SYT6: variants seen among roughly 807,000 people sequenced by gnomAD.
SYT6 encodes the protein synaptotagmin 6, also known as synaptotagmin-6.
Under a neutral mutation model 38.4 loss-of-function variants are expected in SYT6, and 24 were observed. The ratio of observed to expected loss-of-function variants is 0.62; its 90% CI spans 0.45 to 0.88. The LOEUF (loss-of-function observed/expected upper bound fraction) is 0.88. Among genes scored for constraint, SYT6 ranks in the 40% least tolerant of loss-of-function variants. SYT6 has a pLI of 0.00. For synonymous variants in SYT6, 265 were observed against 241.9 expected, an observed-to-expected ratio of 1.10 and a Z score of -0.89; for missense variants, 611 against 621.0, an observed-to-expected ratio of 0.98 and a Z score of 0.17.
At chr1:114,096,025 C>T (rs1490500663) in intron 6 of SYT6, among the ~76,000 whole-genome samples, 4 of 152,122 alleles carry the variant, frequency 2.6e-5, no homozygotes, top group Non-Finnish European at 4.4e-5. Context: ...CCATGCCCTC[C>T]CCCTAAGCCA....
At chr1:114,138,295 A>C (rs1678632090) in intron 2 of SYT6, among the ~76,000 whole-genome samples, 1 of 152,130 alleles carries the variant, frequency 6.6e-6, no homozygotes, top group Admixed American at 6.5e-5. Context: ...AAGCTCAATA[A>C]ACTTTAGCCA....
At chr1:114,111,812 T>TC (rs1676700328) in intron 3 of SYT6, among the ~76,000 whole-genome samples, 1 of 90,742 alleles carries the variant, frequency 1.1e-5, no homozygotes, top group Non-Finnish European at 2.6e-5. Context: ...CGCCCCACGT[T>TC]CCCACAGCTG....
At chr1:114,115,715 C>G (rs1287277174) in intron 3 of SYT6, among the ~76,000 whole-genome samples, 2 of 152,092 alleles carry the variant, frequency 1.3e-5, no homozygotes, top group African/African-American at 2.4e-5. Context: ...GCACCCAGCT[C>G]TTAACACATA....
At chr1:114,101,788 C>T (rs558851112) in intron 4 of SYT6, among the ~76,000 whole-genome samples, 2 of 152,334 alleles carry the variant, frequency 1.3e-5, no homozygotes, top group African/African-American at 4.8e-5. Context: ...GGCCAGGTTC[C>T]TCATGCTGTA....
At chr1:114,111,333 CTGGGG>C (rs1363025956) in intron 3 of SYT6, among the ~76,000 whole-genome samples, 1 of 152,162 alleles carries the variant, frequency 6.6e-6, no homozygotes, top group Non-Finnish European at 1.5e-5. Flanking sequence ...CACTTTTTAC[CTGGGG>C]ACACTGAAGT....
intron 3 of SYT6, among the ~76,000 whole-genome samples, chr1:114,115,270 A>G (rs934569060): frequency 9.9e-5 from 15 of 152,226 alleles, no homozygotes; most frequent in East Asian, 5.8e-4. Flanking sequence ...GGAAGAACCA[A>G]TTGAACACGA....
chr1:114,131,675 G>T (rs1296049940), intron 3 of SYT6, among the ~76,000 whole-genome samples: 1 of 152,182 alleles, frequency 6.6e-6, no homozygotes, highest in African/African-American at 2.4e-5. Flanking sequence ...CCATAGCCCA[G>T]CCCATGGCTC....
At chr1:114,122,790 T>G (rs867125958) in intron 3 of SYT6, among the ~76,000 whole-genome samples, 1 of 152,094 alleles carries the variant, frequency 6.6e-6, no homozygotes. Flanking sequence ...ACAAAGGCCT[T>G]CACTGCCAGC....
chr1:114,150,303 A>C (rs374424852), intron 1 of SYT6, among the ~76,000 whole-genome samples: 3 of 152,124 alleles, frequency 2.0e-5, no homozygotes, highest in East Asian at 1.9e-4. Flanking sequence ...TAGAACTATA[A>C]ATCTAAGGGC....
rs906049825 is a variant in SYT6 at position 114,092,334 on chromosome 1, C to G, written c.*52-252G>C. 1.6e-3 allele frequency among the ~76,000 whole-genome samples: 220 copies of G among 138,486 alleles called. 2 individuals carry two copies. In the East Asian group the frequency reaches 0.051, roughly 32 times the overall value. 90.9% of individuals were successfully genotyped at this position (138,486 alleles called of 152,430 possible). ...TAACTCTCTCTCTCTCTCTCTCTCT[C>G]TCTCTGTGTGTGTGTGTGTGTGTGT... On this transcript the variant is annotated intron_variant, in intron 7 of 7. Coordinates refer to ENST00000610222, the MANE Select transcript of SYT6 (RefSeq NM_001253772.2).
chr1:114,129,611 TC>T (rs1677997851), intron 3 of SYT6, among the ~76,000 whole-genome samples: 3 of 79,512 alleles, frequency 3.8e-5, no homozygotes, highest in South Asian at 5.6e-4. Context: ...TTTCTTTCTT[TC>T]TTTCCTTTCT....
chr1:114,144,109 T>A (rs1290222803), intron 1 of SYT6, among the ~76,000 whole-genome samples: 1 of 152,200 alleles, frequency 6.6e-6, no homozygotes, highest in Non-Finnish European at 1.5e-5. Context: ...AATTCCATCA[T>A]CATCGTCACC....
At chr1:114,092,587 T>C (rs1246926678) in intron 7 of SYT6, among the ~76,000 whole-genome samples, 1 of 152,222 alleles carries the variant, frequency 6.6e-6, no homozygotes, top group Non-Finnish European at 1.5e-5. Context: ...TTTTTCATTC[T>C]TCCTATGGGC....
intron 3 of SYT6, among the ~76,000 whole-genome samples, chr1:114,122,506 TGC>T (rs149451162): frequency 6.8e-6 from 1 of 147,288 alleles, no homozygotes; most frequent in African/African-American, 2.5e-5. Flanking sequence ...TGTGTGTGTG[TGC>T]GCGCACATGA....
At chr1:114,105,562 C>T (rs1676249128) in intron 3 of SYT6, among the ~76,000 whole-genome samples, 1 of 152,120 alleles carries the variant, frequency 6.6e-6, no homozygotes, top group African/African-American at 2.4e-5. Flanking sequence ...AGCCACCCCT[C>T]CTGCACACAG....
At position 114,099,191 on chromosome 1, in the gene SYT6, T is replaced by C; in HGVS notation, c.1267A>G (p.Thr423Ala). The change falls in exon 5 of 8, where the codon ACT (threonine) becomes GCT (alanine). Residue 423 changes from threonine (T) to alanine (A), a missense_variant. Physicochemically the swap from Thr to Ala is moderately conservative, Grantham distance 58. Transcript: ENST00000610222. ...GCCTCATTGTAGACAGGATTGAGAG[T>C]GTTTTTCTTTATGGTTGTTTTCTTC... ...KKKKTTIKKN[T>A]LNPVYNEAII... 1 of 1,613,862 alleles carries C rather than the reference T, an allele frequency of 6.2e-7. No individual in the cohort carries two copies. The highest frequency in any genetic ancestry group is 8.5e-7 in the Non-Finnish European group (1 of 1,179,892).
intron 3 of SYT6, among the ~76,000 whole-genome samples, chr1:114,131,425 G>A (rs533102320): frequency 6.6e-6 from 1 of 152,306 alleles, no homozygotes; most frequent in East Asian, 1.9e-4. Flanking sequence ...TCTAGAAGCA[G>A]CTTTTCTAGA....
intron 1 of SYT6, among the ~76,000 whole-genome samples, chr1:114,140,613 A>G (rs543564675): frequency 6.6e-6 from 1 of 152,334 alleles, no homozygotes; most frequent in African/African-American, 2.4e-5. Flanking sequence ...AACTCTGTGC[A>G]TAGTAGGCTC....
chr1:114,097,584 C>T (rs669011), intron 6 of SYT6, 143 bp downstream of exon 6: 159,332 of 985,584 alleles, frequency 0.16, 13,242 homozygotes, highest in African/African-American at 0.18. Flanking sequence ...TTCCTTTTGG[C>T]CTATTACACA....
Sources: allele counts gnomAD v4.1 joint callset (sites outside exome capture counted in the v4.1 genomes callset), GRCh38; gene constraint gnomAD v4.1.1; transcripts MANE v1.5; gene names NCBI Gene and HGNC (gene_info 2026-07-23, HGNC 2026-07-21).